Variants in IL1RAPL1 observed in about 807,000 individuals in gnomAD.
IL1RAPL1 encodes the protein interleukin 1 receptor accessory protein like 1, also known as interleukin-1 receptor accessory protein-like 1.
IL1RAPL1 carries 3 observed loss-of-function variants against 48.4 expected under a neutral mutation model. The observed-to-expected ratio is 0.06, with a 90% confidence interval of 0.03 to 0.16. The LOEUF is 0.16. Among genes scored for constraint, IL1RAPL1 ranks in the 10% least tolerant of loss-of-function variants. The pLI, the probability that IL1RAPL1 is intolerant of heterozygous loss-of-function variation, is 1.00. For synonymous variants in IL1RAPL1, 185 were observed against 187.7 expected (o/e 0.99, Z 0.12); for missense variants, 349 against 530.6 (o/e 0.66, Z 3.36).
chrX:29,317,995 T>C (rs1418792406), intron 3 of IL1RAPL1, among the ~76,000 whole-genome samples: 1 of 111,214 alleles, frequency 9.0e-6, no homozygotes, highest in Non-Finnish European at 1.9e-5. Flanking sequence ...GAAAAATGAG[T>C]CTCAAATAGG....
At position 29,955,199 on chromosome X, in the gene IL1RAPL1, T is replaced by C. The variant is rs770511901; in HGVS notation, c.1470T>C (p.Phe490=). ...TAGTTAGAAGGGGCTGGAGCATCTT[T>C]GAGCTGGAAACCAGACTTCGAAATA... The part of the protein sequence containing the change: ...NYVVRRGWSI[F]ELETRLRNML... Residue 490 remains phenylalanine (F), a synonymous_variant, in exon 11 of 11, where the codon TTT becomes TTC. Coordinates refer to ENST00000378993, the MANE Select transcript of IL1RAPL1 (RefSeq NM_014271.4). 2.5e-6 allele frequency: 3 copies of C among 1,209,339 alleles called. No individual in the cohort carries two copies. The African/African-American group carries it at 5.3e-5, about 21-fold the overall frequency.
chrX:29,263,991 G>T (rs1269772359), intron 2 of IL1RAPL1, among the ~76,000 whole-genome samples: 2 of 109,912 alleles, frequency 1.8e-5, no homozygotes, highest in Non-Finnish European at 3.8e-5. Flanking sequence ...AACATATGCT[G>T]CTCAGCTTTT....
chrX:28,970,481 T>A (rs2147368576), intron 2 of IL1RAPL1, among the ~76,000 whole-genome samples: 1 of 112,196 alleles, frequency 8.9e-6, no homozygotes, highest in Non-Finnish European at 1.9e-5. Flanking sequence ...ATCATGTCAA[T>A]CATACTAGAA....
rs751159783 is a variant in IL1RAPL1 at position 29,355,842 on chromosome X, A to G, written c.363-40416A>G. 1.0e-4 allele frequency among the ~76,000 whole-genome samples: 11 copies of G among 108,802 alleles called. No homozygotes were observed. In the South Asian group the frequency reaches 4.3e-3, roughly 42 times the overall value. 94.5% of individuals were successfully genotyped at this position (108,802 alleles called of 115,157 possible). A position where few individuals can be genotyped will look rare whatever the true frequency, so the allele number is the denominator to read the frequency against. ...AGAAGAAGTTGAAGTATTATTGATA[A>G]GGCTTTTGAAGACTATTTTGTTCAT... On this transcript the variant is annotated intron_variant, in intron 3 of 10. Coordinates refer to ENST00000378993, the MANE Select transcript of IL1RAPL1 (RefSeq NM_014271.4).
At chrX:29,769,525 C>T (rs1442802247) in intron 6 of IL1RAPL1, among the ~76,000 whole-genome samples, 1 of 88,899 alleles carries the variant, frequency 1.1e-5, no homozygotes, top group East Asian at 3.8e-4. Context: ...CTCACTGCAA[C>T]TTCTGCCTCC....
chrX:28,723,184 G>C (rs926762787), intron 1 of IL1RAPL1, among the ~76,000 whole-genome samples: 4 of 111,059 alleles, frequency 3.6e-5, no homozygotes, highest in Non-Finnish European at 7.5e-5. Flanking sequence ...TCTCCTCCTT[G>C]TACCTCTGGT....
At chrX:28,868,159 A>G (rs1216191840) in intron 2 of IL1RAPL1, among the ~76,000 whole-genome samples, 2 of 111,312 alleles carry the variant, frequency 1.8e-5, no homozygotes, top group African/African-American at 3.3e-5. Flanking sequence ...CTTAGGGCCT[A>G]TTTCCACGCT....
intron 2 of IL1RAPL1, among the ~76,000 whole-genome samples, chrX:29,168,715 G>T (rs138753512): frequency 3.8e-5 from 1 of 26,628 alleles, no homozygotes; most frequent in Non-Finnish European, 1.1e-4. Context: ...ATATTCATAT[G>T]TACAATTGTA....
At chrX:29,680,157 A>G (rs1926406424) in intron 6 of IL1RAPL1, among the ~76,000 whole-genome samples, 1 of 111,406 alleles carries the variant, frequency 9.0e-6, no homozygotes. Flanking sequence ...ATAAGTGACA[A>G]ATCACTTAAA....
At chrX:29,939,722 T>C (rs1933092605) in intron 8 of IL1RAPL1, among the ~76,000 whole-genome samples, 1 of 112,269 alleles carries the variant, frequency 8.9e-6, no homozygotes. Context: ...TCAATCGTTT[T>C]AAATAAGATT....
chrX:29,554,880 G>C (rs181773782), intron 5 of IL1RAPL1, among the ~76,000 whole-genome samples: 19 of 112,455 alleles, frequency 1.7e-4, no homozygotes, highest in African/African-American at 5.5e-4. Context: ...CACATTCCTA[G>C]TTTAACTATT....
chrX:29,419,482 G>C (rs1934264798), intron 5 of IL1RAPL1, among the ~76,000 whole-genome samples: 1 of 110,219 alleles, frequency 9.1e-6, no homozygotes, highest in Non-Finnish European at 1.9e-5. Flanking sequence ...CACCAGGCCT[G>C]GCTGATTTTT....
intron 2 of IL1RAPL1, among the ~76,000 whole-genome samples, chrX:29,002,335 A>T (rs891483860): frequency 3.6e-5 from 4 of 111,624 alleles, no homozygotes; most frequent in Non-Finnish European, 7.5e-5. Flanking sequence ...AAAGTTATAA[A>T]GTTCAAATCT....
chrX:28,598,596 G>A (rs1044771538), intron 1 of IL1RAPL1, among the ~76,000 whole-genome samples: 2 of 108,501 alleles, frequency 1.8e-5, no homozygotes, highest in East Asian at 2.9e-4. Flanking sequence ...ATCCTGATTC[G>A]GTGTTTGGAA....
chrX:29,689,529 A>T (rs991057378), intron 6 of IL1RAPL1, among the ~76,000 whole-genome samples: 1 of 112,714 alleles, frequency 8.9e-6, no homozygotes, highest in East Asian at 2.8e-4. Context: ...GAGTTTAGGG[A>T]TGAAGAGCTT....
chrX:29,106,386 TC>T (rs1477884215), intron 2 of IL1RAPL1, among the ~76,000 whole-genome samples: 2 of 111,375 alleles, frequency 1.8e-5, no homozygotes, highest in Non-Finnish European at 3.8e-5. Context: ...ATTCATTCTT[TC>T]CTTTTCTTTT....
At chrX:29,366,599 C>T (rs749098077) in intron 3 of IL1RAPL1, among the ~76,000 whole-genome samples, 16 of 72,279 alleles carry the variant, frequency 2.2e-4, no homozygotes, top group South Asian at 2.3e-3. Context: ...GACAGAGTCT[C>T]GCTCTGTCGC....
At chrX:29,489,573 A>T (rs1935134090) in intron 5 of IL1RAPL1, among the ~76,000 whole-genome samples, 1 of 112,300 alleles carries the variant, frequency 8.9e-6, no homozygotes, top group Non-Finnish European at 1.9e-5. Context: ...CCAGTGTACA[A>T]GTAATACATT....
At chrX:29,873,981 T>C (rs1384158405) in intron 6 of IL1RAPL1, among the ~76,000 whole-genome samples, 1 of 112,164 alleles carries the variant, frequency 8.9e-6, no homozygotes, top group Non-Finnish European at 1.9e-5. Context: ...AAAACACAAA[T>C]TGCAGTTTTA....
Sources: gnomAD v4.1 joint callset for allele counts (sites outside exome capture counted in the v4.1 genomes callset) on GRCh38, gnomAD v4.1.1 for gene constraint, MANE v1.5 for transcripts, NCBI Gene and HGNC (gene_info 2026-07-23, HGNC 2026-07-21) for gene names.